Variants in EXOC6B observed in about 807,000 individuals in gnomAD.
EXOC6B encodes exocyst complex component 6B, also known as SEC15 homolog B.
In EXOC6B, 54 loss-of-function variants were observed where a neutral mutation model predicts 113.5. That is an observed-to-expected ratio of 0.48 (90% confidence interval 0.38 to 0.60). EXOC6B has a LOEUF of 0.60. Among genes scored for constraint, EXOC6B ranks in the 20% least tolerant of loss-of-function variants. The pLI is 0.00. For missense variants in EXOC6B, 797 were observed against 977.5 expected (o/e 0.82, Z 2.46); for synonymous variants, 357 against 339.0 (o/e 1.05, Z -0.58).
intron 19 of EXOC6B, among the ~76,000 whole-genome samples, chr2:72,351,187 G>A (rs770418431): frequency 6.6e-6 from 1 of 152,152 alleles, no homozygotes; most frequent in South Asian, 2.1e-4. Flanking sequence ...AATGAAAGGC[G>A]AGAGAATGAC....
chr2:72,407,634 T>G lies in EXOC6B; in HGVS notation c.1981-27764A>C, dbSNP rs536204360. Among the ~76,000 whole-genome samples, 879 of 152,330 alleles carry G rather than the reference T, an allele frequency of 5.8e-3. 10 individuals are homozygous for G. The highest frequency in any genetic ancestry group is 0.02 in the African/African-American group (811 of 41,570). ...AAAACCACATGATTATCTCAATAGA[T>G]GCAGAAAAGGCCTTTGACAAAATTC... On this transcript the variant is annotated intron_variant, in intron 18 of 21. Coordinates refer to ENST00000272427, the MANE Select transcript of EXOC6B (RefSeq NM_015189.3).
At chr2:72,486,348 G>C (rs1699419603) in intron 16 of EXOC6B, among the ~76,000 whole-genome samples, 1 of 149,874 alleles carries the variant, frequency 6.7e-6, no homozygotes, top group African/African-American at 2.5e-5. Flanking sequence ...CAGCCTGAGA[G>C]ACAGAATGAG....
At chr2:72,796,770 T>C (rs1684981389) in intron 1 of EXOC6B, among the ~76,000 whole-genome samples, 1 of 152,090 alleles carries the variant, frequency 6.6e-6, no homozygotes, top group Non-Finnish European at 1.5e-5. Context: ...TTACTCAACA[T>C]AGTGAAGATT....
chr2:72,631,010 A>G (rs1670804521), intron 6 of EXOC6B, among the ~76,000 whole-genome samples: 1 of 152,166 alleles, frequency 6.6e-6, no homozygotes, highest in Non-Finnish European at 1.5e-5. Flanking sequence ...AGCAAACTAC[A>G]TAACAGTGCA....
intron 7 of EXOC6B, among the ~76,000 whole-genome samples, chr2:72,564,572 A>T (rs930188844): frequency 6.6e-6 from 1 of 152,190 alleles, no homozygotes; most frequent in African/African-American, 2.4e-5. Context: ...CAGAGGATCA[A>T]TTTTGACAGC....
intron 20 of EXOC6B, among the ~76,000 whole-genome samples, chr2:72,320,167 AT>A: frequency 6.7e-6 from 1 of 149,698 alleles, no homozygotes; most frequent in African/African-American, 2.4e-5. Context: ...TGACAAATTG[AT>A]TGTAAGATAT....
chr2:72,730,575 C>CGG (rs1344847388), intron 5 of EXOC6B, among the ~76,000 whole-genome samples: 2 of 89,330 alleles, frequency 2.2e-5, no homozygotes, highest in African/African-American at 7.1e-5. Context: ...GGTAAACAGA[C>CGG]AGAGACACAC....
chr2:72,271,950 T>C (rs916213551), intron 20 of EXOC6B, among the ~76,000 whole-genome samples: 4 of 152,152 alleles, frequency 2.6e-5, no homozygotes, highest in African/African-American at 7.2e-5. Flanking sequence ...CGTTTTTGCT[T>C]TTTCCTCCCC....
chr2:72,708,675 A>G (rs1679048672), intron 6 of EXOC6B, among the ~76,000 whole-genome samples: 1 of 152,140 alleles, frequency 6.6e-6, no homozygotes, highest in Non-Finnish European at 1.5e-5. Context: ...ATGAGTCTAT[A>G]CATGTTTTAA....
chr2:72,248,131 C>T (rs1369631105), intron 20 of EXOC6B, among the ~76,000 whole-genome samples: 1 of 152,114 alleles, frequency 6.6e-6, no homozygotes, highest in African/African-American at 2.4e-5. Context: ...ATCTGAACTA[C>T]TTAGACAATA....
chr2:72,463,842 C>T (rs1449410520), intron 18 of EXOC6B: 4 of 152,128 alleles, frequency 2.6e-5, no homozygotes, highest in Admixed American at 2.6e-4. Context: ...CAAAAGAATT[C>T]TCACAGTTCT....
At chr2:72,470,966 C>A (rs1407050756) in intron 17 of EXOC6B, among the ~76,000 whole-genome samples, 1 of 152,214 alleles carries the variant, frequency 6.6e-6, no homozygotes, top group South Asian at 2.1e-4. Flanking sequence ...ATTTGTAATC[C>A]TTTGGGTATA....
chr2:72,578,845 C>G (rs946112360), intron 6 of EXOC6B, among the ~76,000 whole-genome samples: 1 of 151,968 alleles, frequency 6.6e-6, no homozygotes, highest in Non-Finnish European at 1.5e-5. Flanking sequence ...ATTATCCACT[C>G]AGGAAACGGC....
At chr2:72,561,484 T>C (rs1050483867) in intron 7 of EXOC6B, among the ~76,000 whole-genome samples, 8 of 152,126 alleles carry the variant, frequency 5.3e-5, no homozygotes, top group African/African-American at 1.4e-4. Flanking sequence ...GTAGCTTATT[T>C]TGTTTAACTT....
chr2:72,524,559 TA>T (rs1701665693), intron 8 of EXOC6B, among the ~76,000 whole-genome samples: 2 of 151,986 alleles, frequency 1.3e-5, no homozygotes, highest in Non-Finnish European at 2.9e-5. Flanking sequence ...CCCCAGACCT[TA>T]AAATAAAAGT....
chr2:72,637,481 G>A (rs1296955040), intron 6 of EXOC6B, among the ~76,000 whole-genome samples: 1 of 152,126 alleles, frequency 6.6e-6, no homozygotes, highest in Non-Finnish European at 1.5e-5. Flanking sequence ...GACATGAACA[G>A]AACCTATCCA....
Position 72,492,393 on chromosome 2 carries a change from T to A in EXOC6B, c.1590A>T (p.Thr530=). The change falls in exon 16 of 22, where the codon ACA becomes ACT. Residue 530 remains threonine (T), a synonymous_variant. Coordinates refer to ENST00000272427, the MANE Select transcript of EXOC6B (RefSeq NM_015189.3). Reference sequence around the variant, plus strand: ...TCAGAGTCCTGGTTAGCAACAGGTTTGTTGATTTCCGAATCATGTCATCAA... The same window carrying A: ...TCAGAGTCCTGGTTAGCAACAGGTTAGTTGATTTCCGAATCATGTCATCAA... ...TEVDDMIRKS[T]NLLLTRTLSN... 6.2e-7 allele frequency: 1 copy of A among 1,613,024 alleles called. No individual in the cohort carries two copies. The highest frequency in any genetic ancestry group is 8.5e-7 in the Non-Finnish European group (1 of 1,179,132).
chr2:72,661,542 T>C (rs556492257), intron 6 of EXOC6B, among the ~76,000 whole-genome samples: 1 of 152,044 alleles, frequency 6.6e-6, no homozygotes, highest in Non-Finnish European at 1.5e-5. Flanking sequence ...TATGAAATAA[T>C]TGATATGAAT....
At chr2:72,698,308 T>C (rs1422719030) in intron 6 of EXOC6B, among the ~76,000 whole-genome samples, 1 of 152,088 alleles carries the variant, frequency 6.6e-6, no homozygotes, top group Non-Finnish European at 1.5e-5. Flanking sequence ...GGAACAAGAG[T>C]GCTGAAAGCC....
Sources: allele counts gnomAD v4.1 joint callset (sites outside exome capture counted in the v4.1 genomes callset), GRCh38; gene constraint gnomAD v4.1.1; transcripts MANE v1.5; gene names NCBI Gene and HGNC (gene_info 2026-07-23, HGNC 2026-07-21).